CEBPZOS: variants seen among roughly 807,000 people sequenced by gnomAD.
CEBPZOS encodes CEBPZ opposite strand, also known as protein CEBPZOS.
CEBPZOS carries 10 observed loss-of-function variants against 4.8 expected under a neutral mutation model. The ratio of observed to expected loss-of-function variants is 2.07; its 90% CI spans 1.28 to 3.52. The LOEUF is 3.52. Among genes scored for constraint, CEBPZOS ranks in the 30% most tolerant of loss-of-function variants. CEBPZOS has a pLI of 0.00. For missense variants in CEBPZOS, 98 were observed against 43.6 expected, an observed-to-expected ratio of 2.25 and a Z score of -3.51; for synonymous variants, 25 against 14.2, an observed-to-expected ratio of 1.77 and a Z score of -1.72.
intron 4 of CEBPZOS, chr2:37,212,021 T>C (rs746036968): frequency 6.3e-7 from 1 of 1,583,644 alleles, no homozygotes; most frequent in South Asian, 1.2e-5. Context: ...TAGCTCCTTT[T>C]GTTCTCTTTT....
intron 4 of CEBPZOS, chr2:37,211,354 C>T (rs1677715312): frequency 7.0e-6 from 2 of 283,924 alleles, no homozygotes; most frequent in Non-Finnish European, 1.3e-5. Context: ...AAACAAGAAA[C>T]TTCTGCTGTG....
At chr2:37,197,667 T>C (rs1312018112) in intron 1 of CEBPZOS, among the ~76,000 whole-genome samples, 3 of 151,784 alleles carry the variant, frequency 2.0e-5, no homozygotes, top group Admixed American at 1.3e-4. Context: ...AGGTCGGAAG[T>C]TAGCCTGGCC....
chr2:37,208,685 T>G (rs1677618270), downstream of CEBPZOS, among the ~76,000 whole-genome samples: 1 of 152,048 alleles, frequency 6.6e-6, no homozygotes, highest in Non-Finnish European at 1.5e-5. Flanking sequence ...TAGCCAACAT[T>G]ATACTGAACA....
downstream of CEBPZOS, chr2:37,216,125 A>G (rs1267667427): frequency 3.2e-6 from 5 of 1,586,108 alleles, no homozygotes; most frequent in Non-Finnish European, 4.3e-6. Context: ...TCAACTGTCT[A>G]AGGTTTATAC....
At position 37,201,644 on chromosome 2, in the gene CEBPZOS, T is replaced by C; in HGVS notation, c.163T>C (p.Tyr55His). The change falls in exon 4 of 5, where the codon TAT becomes CAT. Residue 55 changes from tyrosine (Y) to histidine (H), a missense_variant and splice_region_variant. By Grantham distance (83) the Tyr-to-His change is moderately conservative. Transcript: ENST00000402297. Reference protein sequence around the residue: ...SKKYPFILEVYYKSTEKSGMY... With the variant: ...SKKYPFILEVHYKSTEKSGMY... Reference sequence around the variant, plus strand: ...ATGAGAGCTATTTTTATTTATAGTTTATTACAAATCCACTGAGAAGTCTGG... The same window carrying C: ...ATGAGAGCTATTTTTATTTATAGTTCATTACAAATCCACTGAGAAGTCTGG... The C allele has an allele frequency of 1.4e-6, 1 of 732,700 alleles. No individual in the cohort carries two copies. Among genetic ancestry groups the C allele is most frequent in the Non-Finnish European group, 2.4e-6 (1 of 409,188 alleles). The allele number at this position is 732,700 out of a possible 1,614,324, so 45.4% of individuals were successfully genotyped here.
At position 37,211,861 on chromosome 2, in the gene CEBPZOS, C is replaced by T; in HGVS notation, c.*3-1576C>T. 3 of 1,602,266 alleles carry T rather than the reference C, an allele frequency of 1.9e-6. No individual in the cohort carries two copies. In the South Asian group the frequency reaches 3.4e-5, roughly 18 times the overall value. ...TGCTTACCTGGAACGCTCTCACTTTCATCATCTAACACATCCATGAATGTT... is the reference window on the plus strand; with the variant it reads ...TGCTTACCTGGAACGCTCTCACTTTTATCATCTAACACATCCATGAATGTT... On this transcript the variant is annotated intron_variant, in intron 4 of 4. Coordinates refer to the CEBPZOS transcript ENST00000397064.
rs1677239713 is a variant in CEBPZOS at position 37,201,635 on chromosome 2, T to A, written c.161-7T>A. 1.4e-6 allele frequency: 1 copy of A among 714,010 alleles called. No homozygotes were observed. The highest frequency in any genetic ancestry group is 2.5e-6 in the Non-Finnish European group (1 of 399,586). 44.2% of individuals were successfully genotyped at this position (714,010 alleles called of 1,614,324 possible). A position where few individuals can be genotyped will look rare whatever the true frequency, so the allele number is the denominator to read the frequency against. ...ACTTTATAAATGAGAGCTATTTTTA[T>A]TTATAGTTTATTACAAATCCACTGA... On this transcript the variant is annotated splice_region_variant and splice_polypyrimidine_tract_variant and intron_variant, in intron 3 of 4. Coordinates refer to ENST00000402297, the MANE Select transcript of CEBPZOS (RefSeq NM_001322374.2).
chr2:37,201,311 T>G (rs1677219491), intron 3 of CEBPZOS: 1 of 535,702 alleles, frequency 1.9e-6, no homozygotes, highest in South Asian at 2.5e-5. Flanking sequence ...TCTGGAATCA[T>G]TCATATATGA....
rs1282039761 is a variant in CEBPZOS at position 37,203,973 on chromosome 2, ATAG to A, written c.*2115_*2117del. The stretch of plus-strand genomic sequence containing the variant: ...AGGTTTTGTCTACTTTTTGGCATTA[ATAG>A]TGCTGCTGTGAACAATCATGTACAA... On this transcript the variant is annotated 3_prime_UTR_variant, in exon 5 of 5. Coordinates refer to ENST00000402297, the MANE Select transcript of CEBPZOS (RefSeq NM_001322374.2). The A allele has an allele frequency of 2.0e-5, 3 of 152,204 alleles. No individual in the cohort carries two copies. The highest frequency in any genetic ancestry group is 4.4e-5 in the Non-Finnish European group (3 of 68,040). 9.4% of individuals were successfully genotyped at this position (152,204 alleles called of 1,614,324 possible). A position where few individuals can be genotyped will look rare whatever the true frequency, so the allele number is the denominator to read the frequency against.
chr2:37,197,834 C>A (rs1677022216), intron 1 of CEBPZOS, among the ~76,000 whole-genome samples: 1 of 151,766 alleles, frequency 6.6e-6, no homozygotes, highest in Non-Finnish European at 1.5e-5. Context: ...CCACTGCACT[C>A]CTGCCTGGGA....
At chr2:37,216,164 T>C (rs1447390162), downstream of CEBPZOS, 1 of 1,612,876 alleles carries the variant, frequency 6.2e-7, no homozygotes, top group Admixed American at 1.7e-5. Flanking sequence ...ATATCCTTAA[T>C]AAAATGTTTT....
chr2:37,198,972 G>C (rs975877408), intron 1 of CEBPZOS, among the ~76,000 whole-genome samples: 3 of 151,806 alleles, frequency 2.0e-5, no homozygotes, highest in African/African-American at 7.3e-5. Context: ...TGGGCAACAT[G>C]GTGAGACCCT....
chr2:37,211,714 T>C (rs1677725151), intron 4 of CEBPZOS: 3 of 654,766 alleles, frequency 4.6e-6, no homozygotes, highest in African/African-American at 1.9e-5. Flanking sequence ...AAGGTCCTTT[T>C]AAGTTTCTGG....
chr2:37,203,471 A>T lies in CEBPZOS; in HGVS notation c.*1611A>T, dbSNP rs1338056939. On this transcript the variant is annotated 3_prime_UTR_variant, in exon 5 of 5. Transcript: ENST00000402297. ...GAAAAAGGTTCTCCTTTAAAAAAAAAACTTATCTGTAGTACTGAATATATA... is the reference window on the plus strand; with the variant it reads ...GAAAAAGGTTCTCCTTTAAAAAAAATACTTATCTGTAGTACTGAATATATA... 6.6e-6 allele frequency: 1 copy of T among 152,288 alleles called. No homozygotes were observed. The highest frequency in any genetic ancestry group is 1.5e-5 in the Non-Finnish European group (1 of 68,126). The allele number at this position is 152,288 out of a possible 1,614,324, so 9.4% of individuals were successfully genotyped here.
downstream of CEBPZOS, among the ~76,000 whole-genome samples, chr2:37,205,431 T>G (rs1222769630): frequency 5.3e-5 from 8 of 152,212 alleles, no homozygotes; most frequent in East Asian, 9.6e-4. Flanking sequence ...GAGCACCTTG[T>G]GACCCCCACT....
At chr2:37,200,587 C>T (rs1677171004) in intron 2 of CEBPZOS, among the ~76,000 whole-genome samples, 1 of 152,002 alleles carries the variant, frequency 6.6e-6, no homozygotes, top group Admixed American at 6.6e-5. Context: ...GTAATTCCAG[C>T]ACTTCGGGAG....
chr2:37,198,750 G>A (rs1424105521), intron 1 of CEBPZOS: 1 of 152,118 alleles, frequency 6.6e-6, no homozygotes, highest in African/African-American at 2.4e-5. Context: ...TTCCTGATTA[G>A]CTTTTAAAGG....
downstream of CEBPZOS, among the ~76,000 whole-genome samples, chr2:37,206,113 GAACAA>G (rs1375176050): frequency 1.3e-5 from 2 of 152,188 alleles, no homozygotes; most frequent in South Asian, 2.1e-4. Flanking sequence ...GCCCTGGAGA[GAACAA>G]AACAAAGAGG....
chr2:37,205,556 C>T (rs753132290), downstream of CEBPZOS, among the ~76,000 whole-genome samples: 7 of 152,312 alleles, frequency 4.6e-5, no homozygotes, highest in Non-Finnish European at 7.3e-5. Flanking sequence ...GGACTCAGCC[C>T]GCCTGCACCC....
Sources: gnomAD v4.1 joint callset for allele counts (sites outside exome capture counted in the v4.1 genomes callset) on GRCh38, gnomAD v4.1.1 for gene constraint, MANE v1.5 for transcripts, NCBI Gene and HGNC (gene_info 2026-07-23, HGNC 2026-07-21) for gene names.